The following HECW2 variants were observed in gnomAD, a reference collection of about 807,000 sequenced individuals.
HECW2 encodes the protein HECT, C2 and WW domain containing E3 ubiquitin protein ligase 2.
Under a neutral mutation model 175.2 loss-of-function variants are expected in HECW2, and 61 were observed. The observed-to-expected ratio is 0.35, with a 90% CI of 0.28 to 0.43. The LOEUF (loss-of-function observed/expected upper bound fraction) is 0.43. Ranked by LOEUF, HECW2 falls within the 20% of genes least tolerant of loss-of-function variation. HECW2 has a pLI of 1.00. For synonymous variants in HECW2, 671 were observed against 731.0 expected (o/e 0.92, Z 1.32); for missense variants, 1,524 against 2,000.5 (o/e 0.76, Z 4.54).
At chr2:196,262,961 AAATAACGT>A (rs1213163636) in intron 17 of HECW2, 1 of 152,190 alleles carries the variant, frequency 6.6e-6, no homozygotes, top group African/African-American at 2.4e-5. Context: ...ATTTAGGCCA[AAATAACGT>A]ATGTGGCTCC....
At chr2:196,410,171 T>C (rs777148078) in intron 2 of HECW2, among the ~76,000 whole-genome samples, 1 of 152,230 alleles carries the variant, frequency 6.6e-6, no homozygotes, top group Non-Finnish European at 1.5e-5. Context: ...GCTTCTGCTC[T>C]GCCAAGTGTT....
intron 14 of HECW2, among the ~76,000 whole-genome samples, chr2:196,283,189 G>A (rs1245903138): frequency 4.0e-5 from 6 of 148,740 alleles, no homozygotes; most frequent in Non-Finnish European, 8.9e-5. Flanking sequence ...GTGAACCCGG[G>A]AGGCAGAGGT....
chr2:196,518,433 A>G (rs1460425304), intron 1 of HECW2, among the ~76,000 whole-genome samples: 1 of 151,984 alleles, frequency 6.6e-6, no homozygotes, highest in Non-Finnish European at 1.5e-5. Flanking sequence ...AGGTGGGTGG[A>G]TCGCTTGAGG....
chr2:196,334,343 C>A, intron 4 of HECW2, 81 bp downstream of exon 4: 1 of 1,021,960 alleles, frequency 9.8e-7, no homozygotes, highest in Non-Finnish European at 1.5e-6. Context: ...CCTCATAACC[C>A]TGTCAGGGCC....
intron 15 of HECW2, among the ~76,000 whole-genome samples, chr2:196,276,785 A>G (rs977347190): frequency 6.6e-6 from 1 of 152,222 alleles, no homozygotes; most frequent in Non-Finnish European, 1.5e-5. Flanking sequence ...TGAGCTTCTC[A>G]TGTGCACCCT....
chr2:196,576,760 T>C (rs1366267445), intron 1 of HECW2, among the ~76,000 whole-genome samples: 2 of 152,200 alleles, frequency 1.3e-5, no homozygotes, highest in Admixed American at 6.5e-5. Context: ...TAACAAGCAT[T>C]GTGGTGATCA....
intron 28 of HECW2, 54 bp downstream of exon 28, chr2:196,215,811 T>C (rs1421990651): frequency 5.6e-6 from 7 of 1,261,248 alleles, no homozygotes; most frequent in Non-Finnish European, 8.1e-6. Context: ...TATACATAAA[T>C]GAATGTCTCC....
In HECW2 at chr2:196,547,112, T is replaced by A. The variant is rs1689451248; in HGVS notation, c.-36+46396A>T. On this transcript the variant is annotated intron_variant, in intron 1 of 28. Transcript: ENST00000644978. ...AGTTTTCAGCTATCTTTACCTCTAG[T>A]AAAGAGCTGAGGTTCTCAGTTATCA... 1.3e-5 allele frequency among the ~76,000 whole-genome samples: 2 copies of A among 152,196 alleles called. 1 individual carries two copies. Among genetic ancestry groups the A allele is most frequent in the African/African-American group, 4.8e-5 (2 of 41,440 alleles).
Position 196,266,304 on chromosome 2 carries a change from G to A in HECW2, c.3335+4889C>T, listed in dbSNP as rs146685776. Among the ~76,000 whole-genome samples, 194 of 151,418 alleles carry A rather than the reference G, an allele frequency of 1.3e-3. No homozygotes were observed. The Middle Eastern group carries it at 0.024, about 19-fold the overall frequency. ...TGATGCTGCAGTCAGCTGTGATCGC[G>A]ACACTACACTGCAGCCTGGGCAACA... On this transcript the variant is annotated intron_variant, in intron 17 of 28. Coordinates refer to ENST00000644978, the MANE Select transcript of HECW2 (RefSeq NM_001348768.2).
chr2:196,389,956 G>A (rs10206587), intron 2 of HECW2, among the ~76,000 whole-genome samples: 44,319 of 152,044 alleles, frequency 0.29, 9,727 homozygotes, highest in African/African-American at 0.62. Context: ...AGCTTCCACA[G>A]CCAGCCAAAA....
chr2:196,490,801 C>T (rs1687160207), intron 1 of HECW2, among the ~76,000 whole-genome samples: 1 of 152,018 alleles, frequency 6.6e-6, no homozygotes, highest in Non-Finnish European at 1.5e-5. Context: ...GTGATACATG[C>T]CACAACATGA....
chr2:196,389,703 A>G (rs1382361814), intron 2 of HECW2, among the ~76,000 whole-genome samples: 2 of 152,224 alleles, frequency 1.3e-5, no homozygotes, highest in Non-Finnish European at 2.9e-5. Flanking sequence ...AAGGGGCCTT[A>G]TTCTTGGCAT....
chr2:196,392,205 A>C (rs1317365603), intron 2 of HECW2, among the ~76,000 whole-genome samples: 1 of 152,228 alleles, frequency 6.6e-6, no homozygotes, highest in Non-Finnish European at 1.5e-5. Context: ...GGTAATGAAT[A>C]GAATAAAATT....
At position 196,319,872 on chromosome 2, in the gene HECW2, C is replaced by T; in HGVS notation, c.1018G>A (p.Gly340Arg). The T allele has an allele frequency of 1.2e-6, 2 of 1,611,674 alleles. No individual in the cohort carries two copies. Among genetic ancestry groups the T allele is most frequent in the Non-Finnish European group, 8.5e-7 (1 of 1,178,150 alleles). ...AAGTCTCCATTCACAGAATTGACTC[C>T]AAGTATTGTGCCAACAGCTTCTGGA... ...ASPEAVGTIL[G>R]VNSVNGDLGS... Residue 340 changes from glycine to arginine, a missense_variant, in exon 9 of 29, where the codon GGA (glycine) becomes AGA (arginine). Transcript: ENST00000644978.
At chr2:196,547,996 TA>T (rs1242509383) in intron 1 of HECW2, among the ~76,000 whole-genome samples, 3 of 149,460 alleles carry the variant, frequency 2.0e-5, no homozygotes, top group Non-Finnish European at 2.9e-5. Flanking sequence ...TGGATGATTT[TA>T]ATCCAAATGC....
At chr2:196,420,073 C>T (rs1575523415) in intron 2 of HECW2, among the ~76,000 whole-genome samples, 1 of 152,260 alleles carries the variant, frequency 6.6e-6, no homozygotes, top group South Asian at 2.1e-4. Context: ...ATCATGCTTT[C>T]TCAATGAACA....
At chr2:196,469,869 A>G (rs1448585314) in intron 1 of HECW2, among the ~76,000 whole-genome samples, 1 of 152,080 alleles carries the variant, frequency 6.6e-6, no homozygotes, top group Non-Finnish European at 1.5e-5. Flanking sequence ...AGTAAAAAAT[A>G]TATGGATGAC....
At chr2:196,527,872 C>A (rs919732865) in intron 1 of HECW2, among the ~76,000 whole-genome samples, 6 of 152,126 alleles carry the variant, frequency 3.9e-5, no homozygotes, top group African/African-American at 1.4e-4. Flanking sequence ...TATAAGCAGT[C>A]ATGTAAATTA....
At chr2:196,496,983 G>A (rs1687416377) in intron 1 of HECW2, among the ~76,000 whole-genome samples, 1 of 152,152 alleles carries the variant, frequency 6.6e-6, no homozygotes, top group African/African-American at 2.4e-5. Flanking sequence ...CTTGGTATCT[G>A]CCTTACAGGA....
Sources: gnomAD v4.1 joint callset for allele counts (sites outside exome capture counted in the v4.1 genomes callset) on GRCh38, gnomAD v4.1.1 for gene constraint, MANE v1.5 for transcripts, NCBI Gene and HGNC (gene_info 2026-07-23, HGNC 2026-07-21) for gene names.